The following RAB37 variants were observed in gnomAD, a reference collection of about 807,000 sequenced individuals.
RAB37 encodes the protein ras-related protein Rab-37.
A neutral mutation model predicts 33.1 loss-of-function variants in RAB37; 29 were observed. The ratio of observed to expected loss-of-function variants is 0.88; its 90% CI spans 0.65 to 1.20. RAB37 has a LOEUF of 1.20. Ranked by LOEUF, RAB37 falls within the 50% of genes most tolerant of loss-of-function variation. The pLI, the probability that RAB37 is intolerant of heterozygous loss-of-function variation, is 0.00. For synonymous variants in RAB37, 128 were observed against 119.5 expected (o/e 1.07, Z -0.47); for missense variants, 299 against 301.1 (o/e 0.99, Z 0.05).
intron 1 of RAB37, among the ~76,000 whole-genome samples, chr17:74,711,602 C>T (rs1037834438): frequency 6.6e-6 from 1 of 152,182 alleles, no homozygotes; most frequent in Admixed American, 6.5e-5. Context: ...TGCTGACCTC[C>T]CTCTTCCTCA....
In RAB37 at chr17:74,714,396, AACACAC is replaced by A. The variant is rs3046673; in HGVS notation, c.73-14827_73-14822del. 5.1e-4 allele frequency among the ~76,000 whole-genome samples: 70 copies of A among 137,956 alleles called. 1 individual carries two copies. The highest frequency in any genetic ancestry group is 7.5e-4 in the African/African-American group (28 of 37,138). 90.5% of individuals were successfully genotyped at this position (137,956 alleles called of 152,430 possible). ...CAACAGAGCAGACGCTGTCTCTTTA[AACACAC>A]ACACACACACACACACACACACACA... On this transcript the variant is annotated intron_variant, in intron 1 of 7. Transcript: ENST00000340415.
chr17:74,722,747 C>T (rs538953515), intron 1 of RAB37, among the ~76,000 whole-genome samples: 1 of 152,150 alleles, frequency 6.6e-6, no homozygotes, highest in African/African-American at 2.4e-5. Flanking sequence ...TCATATGTCT[C>T]GAAAATATCT....
intron 1 of RAB37, among the ~76,000 whole-genome samples, chr17:74,677,763 G>T (rs1374175481): frequency 1.3e-5 from 2 of 152,184 alleles, no homozygotes; most frequent in African/African-American, 4.8e-5. Flanking sequence ...TGTGGGGAGT[G>T]GTGGTGCCTG....
chr17:74,691,895 T>A (rs1182639658), intron 1 of RAB37, among the ~76,000 whole-genome samples: 7 of 151,138 alleles, frequency 4.6e-5, no homozygotes, highest in Non-Finnish European at 8.9e-5. Context: ...AGACGGAGTC[T>A]TGCTCTGTCA....
At chr17:74,675,097 C>T (rs916902053) in intron 1 of RAB37, among the ~76,000 whole-genome samples, 9 of 151,964 alleles carry the variant, frequency 5.9e-5, no homozygotes, top group Non-Finnish European at 1.0e-4. Flanking sequence ...AGGATGTTAG[C>T]GAATATAATG....
chr17:74,706,493 C>A (rs1017255192), intron 1 of RAB37, among the ~76,000 whole-genome samples: 9 of 151,784 alleles, frequency 5.9e-5, no homozygotes, highest in Non-Finnish European at 1.5e-5. Context: ...CATGGAGAAA[C>A]GCCATCTCTA....
In RAB37 at chr17:74,742,203, G is replaced by A. The variant is rs1184041909; in HGVS notation, c.205-51G>A. 6.2e-7 allele frequency: 1 copy of A among 1,603,478 alleles called. No homozygotes were observed. The highest frequency in any genetic ancestry group is 1.3e-5 in the African/African-American group (1 of 74,604). On this transcript the variant is annotated intron_variant, in intron 2 of 8. Coordinates refer to ENST00000392613, the MANE Select transcript of RAB37 (RefSeq NM_001006638.3). This position sits in a 1 kb window ranked among gnomAD's most constrained non-coding sequence, Gnocchi z 4.0. ...AACAAGACAGGACGTCTGCAGAGCT[G>A]AGGAGCCACATGACTCCTGCCCTCC...
chr17:74,727,858 GTGTC>G (rs963578831), intron 1 of RAB37, among the ~76,000 whole-genome samples: 1 of 151,952 alleles, frequency 6.6e-6, no homozygotes, highest in African/African-American at 2.4e-5. Flanking sequence ...TTATGTGTGT[GTGTC>G]TGTGTCTGTG....
chr17:74,741,736 C>T (rs1428176985), intron 2 of RAB37, among the ~76,000 whole-genome samples: 1 of 152,202 alleles, frequency 6.6e-6, no homozygotes, highest in Non-Finnish European at 1.5e-5. Context: ...GAGAAAAGGT[C>T]TCACCCTGGC....
In RAB37 at chr17:74,716,712, A is replaced by AAGAG. The variant is rs372536172; in HGVS notation, c.73-12524_73-12521dup. 6.1e-3 allele frequency among the ~76,000 whole-genome samples: 908 copies of AAGAG among 149,118 alleles called. 11 individuals carry two copies. Among genetic ancestry groups the AAGAG allele is most frequent in the African/African-American group, 0.019 (786 of 40,798 alleles). On this transcript the variant is annotated intron_variant, in intron 1 of 7. Transcript: ENST00000340415. ...GTCAGGGTCAGGGAGGGGGCAGAGA[A>AAGAG]AGAGAGAGAGAGAGAGAGAGAGAAA...
In RAB37 at chr17:74,738,858, C is replaced by T. The variant is rs1376617284; in HGVS notation, c.93+1493C>T. 2.0e-5 allele frequency among the ~76,000 whole-genome samples: 3 copies of T among 152,190 alleles called. No homozygotes were observed. The highest frequency in any genetic ancestry group is 2.9e-5 in the Non-Finnish European group (2 of 68,016). ...GTGGCCCACAGGCAGACAGTTCCCA[C>T]CCTGGGCCACTCTTCCCTGGGTCTT... On this transcript the variant is annotated intron_variant, in intron 1 of 8. Transcript: ENST00000392613. The surrounding 1 kb of genome is among the most constrained non-coding windows in gnomAD (Gnocchi z 5.0).
At chr17:74,733,337 G>C (rs1407982609), upstream of RAB37, among the ~76,000 whole-genome samples, 1 of 151,890 alleles carries the variant, frequency 6.6e-6, no homozygotes, top group East Asian at 1.9e-4. Flanking sequence ...GTATAATGTA[G>C]GGTGTGAGGC....
chr17:74,690,950 G>A (rs1020347091), intron 1 of RAB37, among the ~76,000 whole-genome samples: 10 of 152,152 alleles, frequency 6.6e-5, no homozygotes, highest in Non-Finnish European at 1.0e-4. Context: ...ACAGGGTCTC[G>A]TTCTGTCACC....
rs985178698 is a variant in RAB37 at position 74,686,170 on chromosome 17, G to A, written c.72+14512G>A. Among the ~76,000 whole-genome samples, 9 of 151,916 alleles carry A rather than the reference G, an allele frequency of 5.9e-5. 1 individual carries two copies. The highest frequency in any genetic ancestry group is 6.6e-5 in the Admixed American group (1 of 15,246). On this transcript the variant is annotated intron_variant, in intron 1 of 7. Coordinates refer to the RAB37 transcript ENST00000340415. ...TGCAGTAGTGCCATTTCGGCTTACC[G>A]TAACCTCTGCTTCCAGGTTCAAGCA...
intron 1 of RAB37, among the ~76,000 whole-genome samples, chr17:74,700,995 G>A (rs1453269211): frequency 6.6e-6 from 1 of 152,122 alleles, no homozygotes; most frequent in Non-Finnish European, 1.5e-5. Flanking sequence ...GGACGACCAC[G>A]TGAACACATA....
intron 1 of RAB37, among the ~76,000 whole-genome samples, chr17:74,705,738 G>A (rs1197257649): frequency 6.6e-6 from 1 of 152,016 alleles, no homozygotes; most frequent in African/African-American, 2.4e-5. Context: ...GGGACTACAG[G>A]CACATGCCTC....
chr17:74,711,481 C>G (rs117787608), intron 1 of RAB37, among the ~76,000 whole-genome samples: 1,870 of 152,348 alleles, frequency 0.012, 26 homozygotes, highest in Admixed American at 0.034. Context: ...CCATGAGCCA[C>G]TCCCTGCTCT....
chr17:74,706,131 G>GA (rs2033486386), intron 1 of RAB37, among the ~76,000 whole-genome samples: 1 of 152,002 alleles, frequency 6.6e-6, no homozygotes, highest in Non-Finnish European at 1.5e-5. Flanking sequence ...AGCAAGCACT[G>GA]AAAAAACTAC....
upstream of RAB37, among the ~76,000 whole-genome samples, chr17:74,733,712 C>T (rs2034426657): frequency 6.6e-6 from 1 of 151,868 alleles, no homozygotes; most frequent in African/African-American, 2.4e-5. Context: ...GTTTCCTCCC[C>T]AGAGACCACA....
Sources: allele counts gnomAD v4.1 joint callset (sites outside exome capture counted in the v4.1 genomes callset), GRCh38; gene constraint gnomAD v4.1.1; non-coding constraint Gnocchi (gnomAD v3.1); transcripts MANE v1.5; gene names NCBI Gene and HGNC (gene_info 2026-07-23, HGNC 2026-07-21).